The following PLCD3 variants were observed in gnomAD, a reference collection of about 807,000 sequenced individuals.
PLCD3 encodes phospholipase C delta 3.
In PLCD3, 62 loss-of-function variants were observed where a neutral mutation model predicts 82.8. The observed-to-expected ratio is 0.75, with a 90% confidence interval of 0.61 to 0.93. PLCD3 has a LOEUF of 0.93. Among genes scored for constraint, PLCD3 ranks in the 40% least tolerant of loss-of-function variants. PLCD3 has a pLI of 0.00. For synonymous variants in PLCD3, 478 were observed against 471.8 expected (o/e 1.01, Z -0.17); for missense variants, 1,023 against 1,103.4 (o/e 0.93, Z 1.03).
At chr17:45,122,324 G>A (rs1157868128) in intron 1 of PLCD3, among the ~76,000 whole-genome samples, 23 of 152,360 alleles carry the variant, frequency 1.5e-4, no homozygotes, top group African/African-American at 5.5e-4. Flanking sequence ...TTGGGCAACA[G>A]AGTGAGACTC....
At position 45,132,449 on chromosome 17, in the gene PLCD3, C is replaced by T. The variant is rs924064104; in HGVS notation, c.-39G>A. On this transcript the variant is annotated 5_prime_UTR_variant, in exon 1 of 15. The change creates a new upstream start codon in the 5' untranslated region. Transcript: ENST00000619929. The surrounding 1 kb of genome is among the most constrained non-coding windows in gnomAD (Gnocchi z 4.6). ...GCCGGGGCCGGGCCCGGGGTCTGCA[C>T]GCGGGGACAGGGCAGCGGGGCGCCG... 3.4e-6 allele frequency: 4 copies of T among 1,165,310 alleles called. No homozygotes were observed. The highest frequency in any genetic ancestry group is 3.2e-5 in the African/African-American group (2 of 61,872). 72.2% of individuals were successfully genotyped at this position (1,165,310 alleles called of 1,614,324 possible).
chr17:45,124,927 G>A (rs2054369844), intron 1 of PLCD3, among the ~76,000 whole-genome samples: 1 of 152,196 alleles, frequency 6.6e-6, no homozygotes, highest in East Asian at 1.9e-4. Context: ...ATCAACAGAT[G>A]AGCCTGTAAT....
chr17:45,120,933 C>T lies in PLCD3; in HGVS notation c.523G>A (p.Asp175Asn). The T allele has an allele frequency of 6.8e-7, 1 of 1,468,424 alleles. No homozygotes were observed. Among genetic ancestry groups the T allele is most frequent in the South Asian group, 1.3e-5 (1 of 74,126 alleles). The allele number at this position is 1,468,424 out of a possible 1,614,324, so 91.0% of individuals were successfully genotyped here. The change falls in exon 3 of 15, where the codon GAC (aspartate) becomes AAC (asparagine). Residue 175 changes from aspartate to asparagine, a missense_variant. Asp to Asn is a conservative substitution (Grantham distance 23). Around this residue, in one of 3 missense-constraint regions of PLCD3, gnomAD observed 448 missense variants for 406.3 expected, o/e 1.10. Coordinates refer to ENST00000619929, the MANE Select transcript of PLCD3 (RefSeq NM_133373.5). ...AGCCGCTCGCGCTGGCTCATGGCGT[C>T]CAGGCGCGCGCGGAGCTTGGTCAGA... The part of the protein sequence containing the change: ...RGLTKLRARL[D>N]AMSQRERLDH...
At chr17:45,115,592 G>T in intron 8 of PLCD3, 102 bp from the exon 9 acceptor site, 1 of 1,078,396 alleles carries the variant, frequency 9.3e-7, no homozygotes, top group East Asian at 2.6e-5. Flanking sequence ...GCTGGCTAGG[G>T]GTGGGAGGCA....
At chr17:45,113,684 C>G (rs1198506757) in intron 11 of PLCD3, 79 bp from the exon 12 acceptor site, 1 of 1,490,968 alleles carries the variant, frequency 6.7e-7, no homozygotes, top group Non-Finnish European at 9.0e-7. Context: ...CTGCATTCCT[C>G]TCTACAAAGG....
intron 1 of PLCD3, among the ~76,000 whole-genome samples, chr17:45,125,392 A>T (rs1160664969): frequency 6.6e-6 from 1 of 152,266 alleles, no homozygotes; most frequent in Non-Finnish European, 1.5e-5. Flanking sequence ...TGAGGTCAGG[A>T]GTTCGAGACC....
At position 45,121,285 on chromosome 17, in the gene PLCD3, A is replaced by G; in HGVS notation, c.251T>C (p.Leu84Pro). 1.3e-6 allele frequency: 2 copies of G among 1,586,896 alleles called. No individual in the cohort carries two copies. Among genetic ancestry groups the G allele is most frequent in the Non-Finnish European group, 1.7e-6 (2 of 1,174,920 alleles). Residue 84 changes from leucine to proline, a missense_variant, in exon 2 of 15, where the codon CTG becomes CCG. By Grantham distance (98) the Leu-to-Pro change is moderately conservative. Around this residue, in one of 3 missense-constraint regions of PLCD3, gnomAD observed 448 missense variants for 406.3 expected, o/e 1.10. Transcript: ENST00000619929. ...IRSRTWHKER[L>P]YRLQEDGLSV... The stretch of plus-strand genomic sequence containing the variant: ...CAGGCCGTCCTCCTGCAGCCGGTAC[A>G]GCCGCTCCTTGTGCCACGTGCGCGA...
In PLCD3 at chr17:45,112,848, C is replaced by T. The variant is rs765959744; in HGVS notation, c.2281+15G>A. ...GGACCCACATCCCTCTCCATCCCCA[C>T]CAGCCTCCACCAACCTTGCTTTAGG... On this transcript the variant is annotated intron_variant, in intron 14 of 14. Coordinates refer to ENST00000619929, the MANE Select transcript of PLCD3 (RefSeq NM_133373.5). The T allele has an allele frequency of 1.9e-6, 3 of 1,611,476 alleles. No individual in the cohort carries two copies. The highest frequency in any genetic ancestry group is 1.3e-5 in the African/African-American group (1 of 74,836).
chr17:45,122,096 C>A (rs1297198989), intron 1 of PLCD3, among the ~76,000 whole-genome samples: 2 of 152,222 alleles, frequency 1.3e-5, no homozygotes. Flanking sequence ...CACCATCTAA[C>A]CTAGATCTCT....
chr17:45,116,850 G>C, intron 7 of PLCD3, 66 bp from the exon 8 acceptor site: 1 of 1,487,194 alleles, frequency 6.7e-7, no homozygotes, highest in Admixed American at 2.2e-5. Flanking sequence ...CCAACATCTG[G>C]CTCCCAGACC....
At chr17:45,121,979 CT>C (rs1164410478) in intron 1 of PLCD3, among the ~76,000 whole-genome samples, 3 of 147,282 alleles carry the variant, frequency 2.0e-5, no homozygotes, top group African/African-American at 7.5e-5. Context: ...AAAAAATTGC[CT>C]TTTCTGCCAC....
At position 45,120,990 on chromosome 17, in the gene PLCD3, T is replaced by G; in HGVS notation, c.466A>C (p.Thr156Pro). 1 of 1,533,508 alleles carries G rather than the reference T, an allele frequency of 6.5e-7. No individual in the cohort carries two copies. The highest frequency in any genetic ancestry group is 8.7e-7 in the Non-Finnish European group (1 of 1,147,142). 95.0% of individuals were successfully genotyped at this position (1,533,508 alleles called of 1,614,324 possible). Residue 156 changes from threonine (T) to proline (P), a missense_variant, in exon 3 of 15, where the codon ACG becomes CCG. Coordinates refer to ENST00000619929, the MANE Select transcript of PLCD3 (RefSeq NM_133373.5). Reference sequence around the variant, plus strand: ...ACCCAGCGCTGCGCTTCCTCAGCCGTGGGCGCCGCCAGGTCCAGGTTCTTG... The same window carrying G: ...ACCCAGCGCTGCGCTTCCTCAGCCGGGGGCGCCGCCAGGTCCAGGTTCTTG... ...RRKNLDLAAP[T>P]AEEAQRWVRG...
chr17:45,113,070 C>G (rs915870097), intron 13 of PLCD3, 52 bp downstream of exon 13: 1 of 1,609,254 alleles, frequency 6.2e-7, no homozygotes, highest in Non-Finnish European at 8.5e-7. Context: ...CCTGCACCAC[C>G]CTTCGCTCTC....
intron 4 of PLCD3, among the ~76,000 whole-genome samples, chr17:45,119,806 G>A (rs1318302325): frequency 2.6e-5 from 4 of 152,236 alleles, no homozygotes; most frequent in South Asian, 2.1e-4. Flanking sequence ...CCTGTCTTTC[G>A]GGGTCACAGG....
chr17:45,126,632 A>T (rs1334025015), intron 1 of PLCD3, among the ~76,000 whole-genome samples: 1 of 151,104 alleles, frequency 6.6e-6, no homozygotes, highest in Non-Finnish European at 1.5e-5. Context: ...AAGTTTAATG[A>T]TATAATATGC....
intron 4 of PLCD3, 92 bp from the exon 5 acceptor site, chr17:45,119,135 C>A: frequency 1.1e-6 from 1 of 930,704 alleles, no homozygotes; most frequent in Non-Finnish European, 1.6e-6. Flanking sequence ...TCTGAGAAGG[C>A]AATGGTCCCC....
Position 45,115,392 on chromosome 17 carries a change from ATCCTCCTCC to A in PLCD3, c.1503_1511del (p.Glu501_Glu503del). On this transcript the variant is annotated inframe_deletion, in exon 9 of 15. Transcript: ENST00000619929. ...CCACCTCCTCTTCTTCCTCCTCGTC[ATCCTCCTCC>A]TCCTCCTCCCGATCCGACAGAGCCC... The A allele has an allele frequency of 6.3e-7, 1 of 1,591,994 alleles. No homozygotes were observed. The highest frequency in any genetic ancestry group is 8.5e-7 in the Non-Finnish European group (1 of 1,171,954).
In PLCD3 at chr17:45,121,241, G is replaced by A. The variant is rs1196675944; in HGVS notation, c.295C>T (p.Arg99Cys). The part of the protein sequence containing the change: ...EDGLSVWFQR[R>C]IPRAPSQHIF... The stretch of plus-strand genomic sequence containing the variant: ...TGCTGCGATGGCGCACGCGGGATGC[G>A]CCGCTGGAACCACACGCTCAGGCCG... Residue 99 changes from arginine to cysteine, a missense_variant, in exon 2 of 15, where the codon CGC (arginine) becomes TGC (cysteine). Arg to Cys is a radical substitution (Grantham distance 180). Around this residue, in one of 3 missense-constraint regions of PLCD3, gnomAD observed 448 missense variants for 406.3 expected, o/e 1.10. Transcript: ENST00000619929. The A allele has an allele frequency of 1.3e-6, 2 of 1,590,942 alleles. No homozygotes were observed. The highest frequency in any genetic ancestry group is 8.5e-7 in the Non-Finnish European group (1 of 1,176,694).
intron 1 of PLCD3, among the ~76,000 whole-genome samples, chr17:45,128,632 G>T (rs1434519453): frequency 6.6e-6 from 1 of 152,254 alleles, no homozygotes; most frequent in Non-Finnish European, 1.5e-5. Context: ...GCCCACTCAG[G>T]CCTCTGCCCA....
Sources: gnomAD v4.1 joint callset for allele counts (sites outside exome capture counted in the v4.1 genomes callset) on GRCh38, gnomAD v4.1.1 for gene constraint, gnomAD v4.1.1 regional missense constraint, Gnocchi (gnomAD v3.1) non-coding constraint, MANE v1.5 for transcripts, NCBI Gene and HGNC (gene_info 2026-07-23, HGNC 2026-07-21) for gene names.